The following IQSEC1 variants were observed in gnomAD, a reference collection of about 807,000 sequenced individuals.
The protein encoded by IQSEC1 is IQ motif and Sec7 domain ArfGEF 1.
IQSEC1 carries 31 observed loss-of-function variants against 91.0 expected under a neutral mutation model. That is an observed-to-expected ratio of 0.34 (90% CI 0.26 to 0.46). IQSEC1 has a LOEUF of 0.46. IQSEC1 is among the 20% of genes least tolerant of loss of function. IQSEC1 has a pLI of 1.00. For missense variants in IQSEC1, 1,388 were observed against 1,575.6 expected, an observed-to-expected ratio of 0.88 and a Z score of 2.02; for synonymous variants, 699 against 662.6, an observed-to-expected ratio of 1.05 and a Z score of -0.84.
At chr3:12,981,706 T>C (rs1439999348) in intron 1 of IQSEC1, among the ~76,000 whole-genome samples, 3 of 152,202 alleles carry the variant, frequency 2.0e-5, no homozygotes, top group South Asian at 4.1e-4. Flanking sequence ...GAAATCTCTC[T>C]CTCATATATA....
chr3:13,256,974 G>T (rs989726855), intron 1 of IQSEC1, among the ~76,000 whole-genome samples: 1 of 152,100 alleles, frequency 6.6e-6, no homozygotes, highest in Non-Finnish European at 1.5e-5. Flanking sequence ...CAGCCAACCC[G>T]CTGTGTGTTC....
At chr3:13,005,019 G>A (rs11920392) in intron 1 of IQSEC1, among the ~76,000 whole-genome samples, 31,578 of 152,084 alleles carry the variant, frequency 0.21, 5,250 homozygotes, top group African/African-American at 0.46. Flanking sequence ...TGTTTCACAC[G>A]TGAACATCTT....
At chr3:12,904,694 A>G (rs1694775833) in intron 12 of IQSEC1, among the ~76,000 whole-genome samples, 2 of 152,158 alleles carry the variant, frequency 1.3e-5, no homozygotes, top group African/African-American at 4.8e-5. Flanking sequence ...TAGGTTTTCA[A>G]ATCAGCTCTC....
intron 1 of IQSEC1, among the ~76,000 whole-genome samples, chr3:13,226,725 C>T (rs1466908292): frequency 1.3e-5 from 2 of 152,212 alleles, no homozygotes; most frequent in South Asian, 4.1e-4. Context: ...GTCAACGCTT[C>T]CTGCATAATT....
chr3:13,049,889 T>C (rs1704630605), intron 1 of IQSEC1, among the ~76,000 whole-genome samples: 2 of 152,084 alleles, frequency 1.3e-5, no homozygotes, highest in Non-Finnish European at 2.9e-5. Flanking sequence ...TGCAATACTC[T>C]CTCTCCAACC....
intron 2 of IQSEC1, among the ~76,000 whole-genome samples, chr3:13,095,637 T>C (rs1010728511): frequency 3.3e-5 from 5 of 152,084 alleles, no homozygotes; most frequent in African/African-American, 1.2e-4. Flanking sequence ...GTGGGGACGC[T>C]GAGGACGCAA....
chr3:13,025,220 AC>A (rs898099399), intron 1 of IQSEC1, among the ~76,000 whole-genome samples: 1 of 151,918 alleles, frequency 6.6e-6, no homozygotes, highest in Admixed American at 6.5e-5. Context: ...GGAAGCCTTC[AC>A]CCCCTCAGCC....
Position 12,936,700 on chromosome 3 carries a change from G to C in IQSEC1, c.319-3C>G. The C allele has an allele frequency of 6.4e-7, 1 of 1,563,486 alleles. No individual in the cohort carries two copies. The highest frequency in any genetic ancestry group is 8.7e-7 in the Non-Finnish European group (1 of 1,152,940). ...TACTTTCGTTCTAGCATCTCCACCT[G>C]CGGGTGGGAGAGGAGAATGAGAACA... On this transcript the variant is annotated splice_polypyrimidine_tract_variant and splice_region_variant and intron_variant, in intron 2 of 13. Transcript: ENST00000613206.
At chr3:12,965,605 G>A (rs1273539468) in intron 1 of IQSEC1, among the ~76,000 whole-genome samples, 1 of 152,232 alleles carries the variant, frequency 6.6e-6, no homozygotes, top group Non-Finnish European at 1.5e-5. Flanking sequence ...TGAGACTGGG[G>A]GAGCAGCTGT....
chr3:12,964,004 T>C (rs972870983), intron 1 of IQSEC1, among the ~76,000 whole-genome samples: 1 of 152,224 alleles, frequency 6.6e-6, no homozygotes, highest in Non-Finnish European at 1.5e-5. Context: ...GGCGCTATGC[T>C]AGGCAGGCAT....
chr3:12,950,050 C>T (rs994490237), intron 1 of IQSEC1, among the ~76,000 whole-genome samples: 4 of 152,206 alleles, frequency 2.6e-5, no homozygotes, highest in Non-Finnish European at 5.9e-5. Flanking sequence ...CGTATGCTCA[C>T]CCACTATGCC....
upstream of IQSEC1, among the ~76,000 whole-genome samples, chr3:13,076,403 C>G (rs1433770434): frequency 6.6e-6 from 1 of 152,178 alleles, no homozygotes; most frequent in Non-Finnish European, 1.5e-5. Flanking sequence ...TCTCCCTTCC[C>G]TCAACGGGAA....
At chr3:13,236,786 G>T (rs1694936889) in intron 1 of IQSEC1, among the ~76,000 whole-genome samples, 1 of 152,250 alleles carries the variant, frequency 6.6e-6, no homozygotes. Context: ...GCTGCCATCA[G>T]CCTCCAGCTG....
At chr3:13,083,555 C>T (rs934048947) in intron 2 of IQSEC1, among the ~76,000 whole-genome samples, 1 of 152,236 alleles carries the variant, frequency 6.6e-6, no homozygotes, top group Non-Finnish European at 1.5e-5. Flanking sequence ...GTGTGCATTT[C>T]CCACTGCACA....
chr3:13,174,580 G>A (rs1443740048), intron 1 of IQSEC1, among the ~76,000 whole-genome samples: 1 of 152,110 alleles, frequency 6.6e-6, no homozygotes, highest in Non-Finnish European at 1.5e-5. Flanking sequence ...CAGAAGGCCT[G>A]AGGCACCCCT....
rs142808917 is a variant in IQSEC1, at chr3:13,127,450, A to C, written c.302+36654T>G. Among the ~76,000 whole-genome samples, 641 of 152,140 alleles carry C rather than the reference A, an allele frequency of 4.2e-3. 6 individuals carry two copies. The highest frequency in any genetic ancestry group is 9.8e-3 in the African/African-American group (408 of 41,448). ...ACAAAAAAACAAACAAACAAAAAAAAAAAAACCAGAGTTCTCTATTCCATT... is the reference window on the plus strand; with the variant it reads ...ACAAAAAAACAAACAAACAAAAAAACAAAAACCAGAGTTCTCTATTCCATT... On this transcript the variant is annotated intron_variant, in intron 2 of 15. Transcript: ENST00000648114.
Position 12,901,014 on chromosome 3 carries a change from G to T in IQSEC1, c.3314C>A (p.Ala1105Asp). ...AATTGTGCTGATGCCGCTGGGTTTG[G>T]CCTTGCTGCTGGTGGGGGGCGGCGG... ...PAPPPPTSSK[A>D]KPSGISTIV Residue 1105 changes from alanine (A) to aspartate (D), a missense_variant, in exon 14 of 14, where the codon GCC (alanine) becomes GAC (aspartate). Ala to Asp is a moderately radical substitution (Grantham distance 126). This residue lies in a region of IQSEC1 where 329 missense variants were observed against 257.8 expected (regional missense o/e 1.28). Coordinates refer to ENST00000613206, the MANE Select transcript of IQSEC1 (RefSeq NM_001134382.3). 6.5e-7 allele frequency: 1 copy of T among 1,545,232 alleles called. No individual in the cohort carries two copies.
intron 1 of IQSEC1, among the ~76,000 whole-genome samples, chr3:13,168,736 T>C (rs1418248563): frequency 6.6e-6 from 1 of 152,226 alleles, no homozygotes; most frequent in Non-Finnish European, 1.5e-5. Flanking sequence ...AGATCTGTCC[T>C]GTCCCTGGCT....
At chr3:13,129,869 T>C (rs1706581916) in intron 2 of IQSEC1, among the ~76,000 whole-genome samples, 3 of 151,640 alleles carry the variant, frequency 2.0e-5, no homozygotes. Context: ...CGTGTTAGCC[T>C]GGATGGTCTC....
Sources: gnomAD v4.1 joint callset for allele counts (sites outside exome capture counted in the v4.1 genomes callset) on GRCh38, gnomAD v4.1.1 for gene constraint, gnomAD v4.1.1 regional missense constraint, MANE v1.5 for transcripts, NCBI Gene and HGNC (gene_info 2026-07-23, HGNC 2026-07-21) for gene names.